The following PSMA8 variants were observed in gnomAD, a reference collection of about 807,000 sequenced individuals.
The protein encoded by PSMA8 is proteasome subunit alpha-type 8.
PSMA8 carries 18 observed loss-of-function variants against 32.4 expected under a neutral mutation model. That is an observed-to-expected ratio of 0.56 (90% CI 0.38 to 0.82). PSMA8 has a LOEUF of 0.82. Among genes scored for constraint, PSMA8 ranks in the 40% least tolerant of loss-of-function variants. PSMA8 has a pLI of 0.00. For missense variants in PSMA8, 298 were observed against 300.7 expected, an observed-to-expected ratio of 0.99 and a Z score of 0.07; for synonymous variants, 104 against 98.1, an observed-to-expected ratio of 1.06 and a Z score of -0.36.
rs116647560 is a variant in PSMA8 at position 26,162,565 on chromosome 18, A to C, written c.477+4321A>C. 1.2e-3 allele frequency among the ~76,000 whole-genome samples: 187 copies of C among 152,290 alleles called. 1 individual carries two copies. Among genetic ancestry groups the C allele is most frequent in the African/African-American group, 4.2e-3 (175 of 41,564 alleles). On this transcript the variant is annotated intron_variant, in intron 4 of 6. Coordinates refer to ENST00000415576, the MANE Select transcript of PSMA8 (RefSeq NM_001025096.2). ...TATTAACATTTTTAATGCATAGCTA[A>C]ATACAAAAATAAAATCCTGGCTGGG...
In PSMA8 at chr18:26,171,330, C is replaced by T. The variant is rs965974474; in HGVS notation, c.478-7500C>T. On this transcript the variant is annotated intron_variant, in intron 4 of 6. Transcript: ENST00000415576. Reference sequence around the variant, plus strand: ...TCCGAGCCCGCTCGTTACAGCAGAACGCGCGGTCAAGTTTGGCGCGAAATT... The same window carrying T: ...TCCGAGCCCGCTCGTTACAGCAGAATGCGCGGTCAAGTTTGGCGCGAAATT... 89 of 1,469,414 alleles carry T rather than the reference C, an allele frequency of 6.1e-5. 9 individuals carry two copies. The highest frequency in any genetic ancestry group is 3.4e-4 in the African/African-American group (8 of 23,810). 91.0% of individuals were successfully genotyped at this position (1,469,414 alleles called of 1,614,324 possible). A position where few individuals can be genotyped will look rare whatever the true frequency, so the allele number is the denominator to read the frequency against.
At chr18:26,178,727 T>G in intron 4 of PSMA8, 103 bp from the exon 5 acceptor site, 1 of 977,184 alleles carries the variant, frequency 1.0e-6, no homozygotes, top group Non-Finnish European at 1.5e-6. Flanking sequence ...GGTAATTTTA[T>G]TAAGGTATAC....
intron 6 of PSMA8, among the ~76,000 whole-genome samples, chr18:26,184,932 CA>C (rs2055340987): frequency 6.7e-6 from 1 of 148,624 alleles, no homozygotes; most frequent in Non-Finnish European, 1.5e-5. Flanking sequence ...ACTAAAAATA[CA>C]AAAAATTAGC....
rs1260363673 is a variant in PSMA8, at chr18:26,163,229, A to AT, written c.477+4986dup. Among the ~76,000 whole-genome samples, 38 of 82,616 alleles carry AT rather than the reference A, an allele frequency of 4.6e-4. 1 individual carries two copies. Among genetic ancestry groups the AT allele is most frequent in the African/African-American group, 1.6e-3 (35 of 21,702 alleles). The allele number at this position is 82,616 out of a possible 152,430, so 54.2% of individuals were successfully genotyped here. A position where few individuals can be genotyped will look rare whatever the true frequency, so the allele number is the denominator to read the frequency against. ...TGTGTGTGTGTATATATATATATAT[A>AT]TATATATATATATATATATATATAT... On this transcript the variant is annotated intron_variant, in intron 4 of 6. Transcript: ENST00000415576.
At chr18:26,139,931 C>T (rs182324237) in intron 1 of PSMA8, 30 of 614,064 alleles carry the variant, frequency 4.9e-5, no homozygotes, top group African/African-American at 1.1e-4. Context: ...TTCCTGATCT[C>T]GCTTGTTTAT....
At chr18:26,146,728 A>T (rs1361798531) in intron 2 of PSMA8, among the ~76,000 whole-genome samples, 1 of 152,244 alleles carries the variant, frequency 6.6e-6, no homozygotes, top group African/African-American at 2.4e-5. Flanking sequence ...ACACCACTGC[A>T]TTCCAGTCCA....
intron 4 of PSMA8, among the ~76,000 whole-genome samples, chr18:26,176,089 T>C (rs2055261521): frequency 6.6e-6 from 1 of 151,432 alleles, no homozygotes; most frequent in African/African-American, 2.4e-5. Context: ...ATTGCAAAAC[T>C]ACCAGTCATT....
intron 4 of PSMA8, among the ~76,000 whole-genome samples, chr18:26,160,565 G>A (rs1455418163): frequency 2.6e-5 from 4 of 152,074 alleles, no homozygotes; most frequent in African/African-American, 9.7e-5. Flanking sequence ...TTGGATCTGT[G>A]TTTTATTTTT....
chr18:26,157,251 G>A (rs1173604535), intron 3 of PSMA8, among the ~76,000 whole-genome samples: 1 of 151,890 alleles, frequency 6.6e-6, no homozygotes, highest in African/African-American at 2.4e-5. Flanking sequence ...ATATGAAGTT[G>A]CCTAAAAATT....
intron 1 of PSMA8, among the ~76,000 whole-genome samples, chr18:26,143,181 G>A (rs1220443658): frequency 1.3e-5 from 2 of 152,032 alleles, no homozygotes; most frequent in Non-Finnish European, 2.9e-5. Context: ...AAAAAAAATC[G>A]ATTCCCACCG....
At chr18:26,164,665 A>G (rs987694278) in intron 4 of PSMA8, among the ~76,000 whole-genome samples, 4 of 152,224 alleles carry the variant, frequency 2.6e-5, no homozygotes, top group Non-Finnish European at 5.9e-5. Context: ...AAACTTTTCT[A>G]GTTTAAAGGA....
At chr18:26,165,773 C>A (rs1410429544) in intron 4 of PSMA8, among the ~76,000 whole-genome samples, 1 of 152,036 alleles carries the variant, frequency 6.6e-6, no homozygotes, top group African/African-American at 2.4e-5. Flanking sequence ...TTCATTTGAC[C>A]TGCCAGATTT....
At chr18:26,167,143 AC>A (rs1198654686) in intron 4 of PSMA8, among the ~76,000 whole-genome samples, 1 of 152,214 alleles carries the variant, frequency 6.6e-6, no homozygotes, top group Non-Finnish European at 1.5e-5. Flanking sequence ...GACTAATATA[AC>A]AGTAAAAAAG....
At chr18:26,155,810 A>G (rs1288491631) in intron 3 of PSMA8, among the ~76,000 whole-genome samples, 2 of 152,314 alleles carry the variant, frequency 1.3e-5, no homozygotes, top group East Asian at 1.9e-4. Flanking sequence ...ATGAGATTAT[A>G]TCAAACTAAA....
intron 2 of PSMA8, among the ~76,000 whole-genome samples, chr18:26,149,620 A>G (rs2055029646): frequency 6.6e-6 from 1 of 152,224 alleles, no homozygotes; most frequent in African/African-American, 2.4e-5. Context: ...ATAGTAATAA[A>G]TCCTTGCATG....
intron 3 of PSMA8, among the ~76,000 whole-genome samples, chr18:26,152,325 T>A (rs184828620): frequency 6.6e-6 from 1 of 152,172 alleles, no homozygotes; most frequent in East Asian, 1.9e-4. Context: ...TGTTTTTGTT[T>A]TTGTTTTTGT....
At chr18:26,164,818 G>A (rs996229548) in intron 4 of PSMA8, among the ~76,000 whole-genome samples, 20 of 152,032 alleles carry the variant, frequency 1.3e-4, no homozygotes, top group Admixed American at 3.9e-4. Flanking sequence ...TTAAATTTTC[G>A]GGATGTGATT....
Position 26,145,228 on chromosome 18 carries a change from C to T in PSMA8, c.229+543C>T, listed in dbSNP as rs185912730. ...CCACCTCCCGGGTTCAAGCAATTCT[C>T]CTGCCTCAGCCTCCCGAGTAGCTGG... On this transcript the variant is annotated intron_variant, in intron 2 of 6. Transcript: ENST00000415576. 5.6e-3 allele frequency among the ~76,000 whole-genome samples: 852 copies of T among 152,290 alleles called. 12 individuals carry two copies. Among genetic ancestry groups the T allele is most frequent in the African/African-American group, 0.02 (817 of 41,546 alleles).
intron 4 of PSMA8, among the ~76,000 whole-genome samples, chr18:26,167,490 A>G (rs1021670909): frequency 6.6e-6 from 1 of 152,234 alleles, no homozygotes; most frequent in Non-Finnish European, 1.5e-5. Context: ...CATGTGTTAT[A>G]GATGGAATTG....
Sources: allele counts gnomAD v4.1 joint callset (sites outside exome capture counted in the v4.1 genomes callset), GRCh38; gene constraint gnomAD v4.1.1; transcripts MANE v1.5; gene names NCBI Gene and HGNC (gene_info 2026-07-23, HGNC 2026-07-21).